FNDC3A: variants seen among roughly 807,000 people sequenced by gnomAD.
FNDC3A encodes fibronectin type-III domain-containing protein 3A.
A neutral mutation model predicts 148.9 loss-of-function variants in FNDC3A; 32 were observed. That is an observed-to-expected ratio of 0.21 (90% CI 0.16 to 0.29). The LOEUF (loss-of-function observed/expected upper bound fraction) is 0.29, where lower values mean the gene tolerates loss of function less well. FNDC3A is among the 10% of genes least tolerant of loss of function. FNDC3A has a pLI of 1.00. For synonymous variants in FNDC3A, 472 were observed against 473.6 expected, an observed-to-expected ratio of 1.00 and a Z score of 0.04; for missense variants, 1,191 against 1,452.8, an observed-to-expected ratio of 0.82 and a Z score of 2.93.
At chr13:49,131,830 A>G (rs983321489) in intron 5 of FNDC3A, among the ~76,000 whole-genome samples, 4 of 152,236 alleles carry the variant, frequency 2.6e-5, no homozygotes, top group African/African-American at 9.6e-5. Context: ...AATAAAGTTA[A>G]TAAATATATA....
chr13:49,163,649 A>G (rs528767173), intron 8 of FNDC3A, among the ~76,000 whole-genome samples: 46 of 152,238 alleles, frequency 3.0e-4, no homozygotes, highest in Admixed American at 1.5e-3. Flanking sequence ...CCACTTTCCA[A>G]CAAGTCCCAG....
At chr13:49,197,635 T>G in intron 20 of FNDC3A, 90 bp from the exon 21 acceptor site, 5 of 1,050,200 alleles carry the variant, frequency 4.8e-6, no homozygotes, top group Middle Eastern at 2.5e-4. Flanking sequence ...GCAATCTAGT[T>G]TTACATGTGC....
In FNDC3A at chr13:49,062,676, C is replaced by CT. The variant is rs1217914174; in HGVS notation, c.100-12612dup. On this transcript the variant is annotated intron_variant, in intron 2 of 25. Coordinates refer to ENST00000492622, the MANE Select transcript of FNDC3A (RefSeq NM_001079673.2). ...TTATCATTTCTTGCAGGAATCTTCC[C>CT]TGATCATCCTAGGTTGAGTGGATGC... Among the ~76,000 whole-genome samples, 6 of 152,228 alleles carry CT rather than the reference C, an allele frequency of 3.9e-5. No homozygotes were observed. The East Asian group carries it at 1.2e-3, about 29-fold the overall frequency.
chr13:49,146,223 T>C (rs1259781284), intron 8 of FNDC3A: 6 of 281,106 alleles, frequency 2.1e-5, no homozygotes, highest in Non-Finnish European at 4.0e-5. Context: ...GCATTAAATA[T>C]AAGTTGTAGT....
At chr13:49,130,203 G>A (rs781328367) in intron 4 of FNDC3A, among the ~76,000 whole-genome samples, 5 of 151,164 alleles carry the variant, frequency 3.3e-5, no homozygotes, top group Admixed American at 6.6e-5. Context: ...TATCCCCACG[G>A]TGTAATTCCT....
intron 2 of FNDC3A, among the ~76,000 whole-genome samples, chr13:49,047,948 G>A (rs1875542191): frequency 6.6e-6 from 1 of 152,074 alleles, no homozygotes; most frequent in Non-Finnish European, 1.5e-5. Context: ...TTAAGACTTC[G>A]ATTTATCTTG....
chr13:49,003,496 C>T (rs1952165667), intron 1 of FNDC3A, among the ~76,000 whole-genome samples: 1 of 151,998 alleles, frequency 6.6e-6, no homozygotes, highest in Non-Finnish European at 1.5e-5. Flanking sequence ...GTTGTAAATA[C>T]CTTTTCATTT....
At chr13:48,991,943 C>T (rs760173671) in intron 1 of FNDC3A, among the ~76,000 whole-genome samples, 1 of 152,164 alleles carries the variant, frequency 6.6e-6, no homozygotes, top group Non-Finnish European at 1.5e-5. Context: ...AACACAAAGC[C>T]TATTTTATAA....
At chr13:49,100,443 A>G (rs1186256946) in intron 3 of FNDC3A, among the ~76,000 whole-genome samples, 2 of 152,118 alleles carry the variant, frequency 1.3e-5, no homozygotes, top group Non-Finnish European at 2.9e-5. Flanking sequence ...CTCTTACGCT[A>G]AGCGTTATTC....
At chr13:49,013,262 C>G (rs945525380) in intron 2 of FNDC3A, among the ~76,000 whole-genome samples, 1 of 152,092 alleles carries the variant, frequency 6.6e-6, no homozygotes. Context: ...CTGCAATAAG[C>G]TGTGATTATG....
At chr13:49,030,760 G>A (rs1874050975) in intron 2 of FNDC3A, among the ~76,000 whole-genome samples, 2 of 151,772 alleles carry the variant, frequency 1.3e-5, no homozygotes, top group Non-Finnish European at 2.9e-5. Flanking sequence ...TTTTACAACA[G>A]AATAAAAAAG....
At chr13:49,163,274 G>T (rs988851846) in intron 8 of FNDC3A, among the ~76,000 whole-genome samples, 1 of 152,222 alleles carries the variant, frequency 6.6e-6, no homozygotes, top group South Asian at 2.1e-4. Flanking sequence ...TCCTTGAGCT[G>T]CAGTGGGCTC....
In FNDC3A at chr13:49,201,714, CTG is replaced by C. The variant is rs201931395; in HGVS notation, c.2988-82_2988-81del. ...TATCACTCCTAAATAATGTTCATAA[CTG>C]TGTTTTTATACTAGTTTGTAAAACA... On this transcript the variant is annotated intron_variant, in intron 23 of 25. Coordinates refer to ENST00000492622, the MANE Select transcript of FNDC3A (RefSeq NM_001079673.2). 9 of 611,888 alleles carry C rather than the reference CTG, an allele frequency of 1.5e-5. No individual in the cohort carries two copies. In the East Asian group the frequency reaches 2.2e-4, roughly 15 times the overall value. The allele number at this position is 611,888 out of a possible 1,614,324, so 37.9% of individuals were successfully genotyped here.
At position 49,196,983 on chromosome 13, in the gene FNDC3A, A is replaced by T. The variant is rs1040056792; in HGVS notation, c.2333A>T (p.Asn778Ile). ...TCRSATCAQV[N>I]WEVPLSNGTD... ...AGATCTGCAACTTGTGCACAAGTGAATTGGGAGGTATTGTAATTTCCATTG... is the reference window on the plus strand; with the variant it reads ...AGATCTGCAACTTGTGCACAAGTGATTTGGGAGGTATTGTAATTTCCATTG... The change falls in exon 20 of 26, where the codon AAT becomes ATT. Residue 778 changes from asparagine to isoleucine, a missense_variant. Asn to Ile is a moderately radical substitution (Grantham distance 149, BLOSUM62 -3). Around this residue, in one of 3 missense-constraint regions of FNDC3A, gnomAD observed 751 missense variants for 944.0 expected, o/e 0.80. Transcript: ENST00000492622. 1.3e-6 allele frequency: 2 copies of T among 1,581,906 alleles called. No homozygotes were observed. The highest frequency in any genetic ancestry group is 1.3e-5 in the African/African-American group (1 of 74,136).
chr13:49,134,024 C>T (rs996142349), intron 5 of FNDC3A, among the ~76,000 whole-genome samples: 1 of 152,160 alleles, frequency 6.6e-6, no homozygotes, highest in African/African-American at 2.4e-5. Flanking sequence ...TCATTTTACA[C>T]TTCAGTGGTT....
rs367929005 is a variant in FNDC3A, at chr13:49,198,241, A to C, written c.2750A>C (p.Asn917Thr). The C allele has an allele frequency of 6.2e-7, 1 of 1,613,896 alleles. No homozygotes were observed. The highest frequency in any genetic ancestry group is 1.1e-5 in the South Asian group (1 of 91,082). The change falls in exon 22 of 26, where the codon AAT (asparagine) becomes ACT (threonine). Residue 917 changes from asparagine to threonine, a missense_variant. Asn to Thr is a moderately conservative substitution (Grantham distance 65, BLOSUM62 0). Coordinates refer to ENST00000492622, the MANE Select transcript of FNDC3A (RefSeq NM_001079673.2). ...VGKVTSYIIN[N>T]LQPDTTYRIR... is the part of the protein sequence containing the mutation. ...AAGGTTACAAGCTATATTATCAACA[A>C]TTTGCAACCAGATACAACATACAGG...
intron 16 of FNDC3A, chr13:49,187,592 A>G (rs1034991511): frequency 6.2e-7 from 1 of 1,610,006 alleles, no homozygotes; most frequent in Non-Finnish European, 8.5e-7. Flanking sequence ...GAAAATGGCA[A>G]ATTCTTCCCA....
chr13:49,018,973 C>G (rs906787965), intron 2 of FNDC3A, among the ~76,000 whole-genome samples: 29 of 152,340 alleles, frequency 1.9e-4, no homozygotes, highest in African/African-American at 6.3e-4. Flanking sequence ...AGATCTCCAG[C>G]TGCGTGCTGG....
chr13:49,143,978 T>TTAC (rs71188348), intron 7 of FNDC3A, among the ~76,000 whole-genome samples: 8,296 of 138,688 alleles, frequency 0.06, 372 homozygotes, highest in African/African-American at 0.13. Context: ...GACCCCATCT[T>TTAC]TACTACTACT....
Sources: gnomAD v4.1 joint callset for allele counts (sites outside exome capture counted in the v4.1 genomes callset) on GRCh38, gnomAD v4.1.1 for gene constraint, gnomAD v4.1.1 regional missense constraint, MANE v1.5 for transcripts, NCBI Gene and HGNC (gene_info 2026-07-23, HGNC 2026-07-21) for gene names.